CLCA1: variants seen among roughly 807,000 people sequenced by gnomAD.
The protein encoded by CLCA1 is calcium-activated chloride channel regulator 1.
In CLCA1, 59 loss-of-function variants were observed where a neutral mutation model predicts 85.6. The observed-to-expected ratio is 0.69, with a 90% confidence interval of 0.56 to 0.86. The LOEUF (loss-of-function observed/expected upper bound fraction) is 0.86. CLCA1 is among the 40% of genes least tolerant of loss of function. The probability of loss-of-function intolerance (pLI) is 0.00; values close to 1 mark genes in which losing one functional copy is unlikely to be tolerated. For synonymous variants in CLCA1, 396 were observed against 398.3 expected, an observed-to-expected ratio of 0.99 and a Z score of 0.07; for missense variants, 1,022 against 1,101.4, an observed-to-expected ratio of 0.93 and a Z score of 1.02.
intron 1 of CLCA1, among the ~76,000 whole-genome samples, chr1:86,469,595 C>G (rs978291845): frequency 1.2e-4 from 19 of 152,138 alleles, no homozygotes; most frequent in African/African-American, 4.1e-4. Context: ...TAAGAACAAC[C>G]CTGACCTTCT....
At chr1:86,476,726 G>T (rs1398670025) in intron 4 of CLCA1, among the ~76,000 whole-genome samples, 173 bp downstream of exon 4, 1 of 151,948 alleles carries the variant, frequency 6.6e-6, no homozygotes, top group Non-Finnish European at 1.5e-5. Context: ...CTTTACAAGT[G>T]CTTCAGTTAA....
At chr1:86,480,457 T>C (rs1647788159) in intron 4 of CLCA1, among the ~76,000 whole-genome samples, 1 of 151,904 alleles carries the variant, frequency 6.6e-6, no homozygotes, top group Non-Finnish European at 1.5e-5. Flanking sequence ...ACCCCTTCTC[T>C]ACAAAAAATA....
rs143826203 is a variant in CLCA1, at chr1:86,491,702, A to G, written c.1464+331A>G. Among the ~76,000 whole-genome samples, 179 of 152,336 alleles carry G rather than the reference A, an allele frequency of 1.2e-3. No individual in the cohort carries two copies. The East Asian group carries it at 0.028, about 24-fold the overall frequency. ...TGGCTCAGAATTTTCTTCAGAGTAG[A>G]TCATCTCAATTACAAATTTTCTGGG... On this transcript the variant is annotated intron_variant, in intron 9 of 13. Transcript: ENST00000394711.
At chr1:86,480,589 T>C (rs1319421736) in intron 4 of CLCA1, among the ~76,000 whole-genome samples, 1 of 152,172 alleles carries the variant, frequency 6.6e-6, no homozygotes, top group Admixed American at 6.5e-5. Flanking sequence ...ATCACACCAC[T>C]GCATTCTAGC....
In CLCA1 at chr1:86,498,830, G is replaced by A; in HGVS notation, c.2353+19G>A. 6.2e-7 allele frequency: 1 copy of A among 1,605,690 alleles called. No individual in the cohort carries two copies. Among genetic ancestry groups the A allele is most frequent in the Non-Finnish European group, 8.5e-7 (1 of 1,174,560 alleles). ...GGAACAGGTAAGCTGAACCTGGTGT[G>A]GACCCTGTAAAAGAGTTTACCAGCC... On this transcript the variant is annotated intron_variant, in intron 13 of 13. Coordinates refer to ENST00000394711, the MANE Select transcript of CLCA1 (RefSeq NM_001285.4).
intron 6 of CLCA1, among the ~76,000 whole-genome samples, 189 bp downstream of exon 6, chr1:86,485,750 A>G (rs143570343): frequency 5.9e-5 from 9 of 152,330 alleles, no homozygotes; most frequent in Non-Finnish European, 1.0e-4. Flanking sequence ...TCATTTGCCA[A>G]ATTGAATTAA....
chr1:86,487,484 G>C (rs923613876), intron 7 of CLCA1, among the ~76,000 whole-genome samples: 1 of 152,176 alleles, frequency 6.6e-6, no homozygotes, highest in African/African-American at 2.4e-5. Context: ...GTCTGGGTGT[G>C]GGGTGGGAGA....
At position 86,491,152 on chromosome 1, in the gene CLCA1, T is replaced by C. The variant is rs1648124369; in HGVS notation, c.1358-113T>C. 2.8e-5 allele frequency: 18 copies of C among 646,038 alleles called. No homozygotes were observed. The South Asian group carries it at 3.0e-4, about 11-fold the overall frequency. The allele number at this position is 646,038 out of a possible 1,614,324, so 40.0% of individuals were successfully genotyped here. A position where few individuals can be genotyped will look rare whatever the true frequency, so the allele number is the denominator to read the frequency against. ...CACCTATTTGATGTTGATCTATTTA[T>C]ACTTTAATAACACAAAGGGATATTT... On this transcript the variant is annotated intron_variant, in intron 8 of 13. Transcript: ENST00000394711.
rs1304253375 is a variant in CLCA1 at position 86,495,674 on chromosome 1, T to C, written c.2112T>C (p.Asn704=). Reference sequence around the variant, plus strand: ...TGTACATACCTGGCTGGATTGAGAATGGTAAGTAATTTGTAATAACATACC... The same window carrying C: ...TGTACATACCTGGCTGGATTGAGAACGGTAAGTAATTTGTAATAACATACC... ...GALYIPGWIE[N]DEIQWNPPRP... The change falls in exon 12 of 14, where the codon AAT becomes AAC. Residue 704 remains asparagine (N), a splice_region_variant and synonymous_variant. Coordinates refer to ENST00000394711, the MANE Select transcript of CLCA1 (RefSeq NM_001285.4). The C allele has an allele frequency of 1.2e-6, 2 of 1,603,806 alleles. No homozygotes were observed. The highest frequency in any genetic ancestry group is 2.7e-5 in the African/African-American group (2 of 74,656).
chr1:86,478,507 C>T (rs932366962), intron 4 of CLCA1, among the ~76,000 whole-genome samples: 3 of 152,244 alleles, frequency 2.0e-5, no homozygotes, highest in East Asian at 3.9e-4. Flanking sequence ...CTGATGCCTT[C>T]GGCCTGTACA....
intron 5 of CLCA1, among the ~76,000 whole-genome samples, chr1:86,483,445 G>A (rs1241685212): frequency 6.6e-6 from 1 of 151,984 alleles, no homozygotes; most frequent in Admixed American, 6.6e-5. Context: ...CCAGATATTA[G>A]GATTTGTAAT....
At position 86,485,533 on chromosome 1, in the gene CLCA1, T is replaced by C; in HGVS notation, c.926T>C (p.Leu309Ser). 1 of 1,614,212 alleles carries C rather than the reference T, an allele frequency of 6.2e-7. No homozygotes were observed. Among genetic ancestry groups the C allele is most frequent in the Non-Finnish European group, 8.5e-7 (1 of 1,180,020 alleles). The part of the protein sequence containing the change: ...LLQIGQRIVC[L>S]VLDKSGSMAT... ...CAGATTGGACAAAGAATTGTGTGTT[T>C]AGTCCTTGACAAATCTGGAAGCATG... Residue 309 changes from leucine (L) to serine (S), a missense_variant, in exon 6 of 14, where the codon TTA becomes TCA. Leu to Ser is a moderately radical substitution (Grantham distance 145, BLOSUM62 -2). Transcript: ENST00000394711.
Position 86,486,216 on chromosome 1 carries a change from T to G in CLCA1, c.955-310T>G, listed in dbSNP as rs547769628. ...TGGGGATTACAATTTGAGATGAGAT[T>G]TGGTTGAGGACACAGAGCCAAACCG... On this transcript the variant is annotated intron_variant, in intron 6 of 13. Coordinates refer to ENST00000394711, the MANE Select transcript of CLCA1 (RefSeq NM_001285.4). Among the ~76,000 whole-genome samples the G allele has an allele frequency of 2.2e-4, 34 of 152,298 alleles. No individual in the cohort carries two copies. The East Asian group carries it at 4.0e-3, about 18-fold the overall frequency.
At position 86,485,548 on chromosome 1, in the gene CLCA1, C is replaced by G; in HGVS notation, c.941C>G (p.Ser314Cys). ...QRIVCLVLDKSGSMATGNRLN... is the reference protein window; with the variant it reads ...QRIVCLVLDKCGSMATGNRLN... The stretch of plus-strand genomic sequence containing the variant: ...ATTGTGTGTTTAGTCCTTGACAAAT[C>G]TGGAAGCATGGCGGTATGTTCAATG... Residue 314 changes from serine (S) to cysteine (C), a missense_variant, in exon 6 of 14, where the codon TCT becomes TGT. Ser to Cys is a moderately radical substitution (Grantham distance 112, BLOSUM62 -1). Transcript: ENST00000394711. 6.2e-7 allele frequency: 1 copy of G among 1,614,066 alleles called. No homozygotes were observed. Among genetic ancestry groups the G allele is most frequent in the Non-Finnish European group, 8.5e-7 (1 of 1,179,948 alleles).
intron 9 of CLCA1, among the ~76,000 whole-genome samples, 191 bp downstream of exon 9, chr1:86,491,562 C>G (rs1346374602): frequency 6.6e-6 from 1 of 152,180 alleles, no homozygotes; most frequent in African/African-American, 2.4e-5. Flanking sequence ...CAATTAGTGT[C>G]TACTTGTTTG....
rs1036461195 is a variant in CLCA1 at position 86,486,494 on chromosome 1, G to A, written c.955-32G>A. 6.3e-6 allele frequency: 10 copies of A among 1,597,544 alleles called. 1 individual carries two copies. The Middle Eastern group carries it at 5.0e-4, about 80-fold the overall frequency. ...CTGTTATTAGTCTTTCCATCTAAAC[G>A]TAACCTGTTTTTCTTTTGCTTCTCC... On this transcript the variant is annotated intron_variant, in intron 6 of 13. Transcript: ENST00000394711.
chr1:86,490,724 A>T (rs2101743627), intron 8 of CLCA1, among the ~76,000 whole-genome samples: 1 of 152,166 alleles, frequency 6.6e-6, no homozygotes, highest in Non-Finnish European at 1.5e-5. Context: ...CAGATAGTTG[A>T]AGTAGCCAGG....
intron 1 of CLCA1, among the ~76,000 whole-genome samples, chr1:86,469,468 G>A (rs897442372): frequency 2.0e-5 from 3 of 152,166 alleles, no homozygotes; most frequent in Admixed American, 6.5e-5. Flanking sequence ...ATTGTGAGAT[G>A]CACAGATCCT....
chr1:86,480,534 G>C (rs1647790413), intron 4 of CLCA1, among the ~76,000 whole-genome samples: 1 of 152,084 alleles, frequency 6.6e-6, no homozygotes, highest in Admixed American at 6.6e-5. Flanking sequence ...GAGGTGGAAG[G>C]ATCACCTGAG....
Sources: gnomAD v4.1 joint callset for allele counts (sites outside exome capture counted in the v4.1 genomes callset) on GRCh38, gnomAD v4.1.1 for gene constraint, MANE v1.5 for transcripts, NCBI Gene and HGNC (gene_info 2026-07-23, HGNC 2026-07-21) for gene names.